The following ASXL2 variants were observed in gnomAD, a reference collection of about 807,000 sequenced individuals.
ASXL2 encodes ASXL transcriptional regulator 2.
A neutral mutation model predicts 122.0 loss-of-function variants in ASXL2; 23 were observed. The observed-to-expected ratio is 0.19, with a 90% CI of 0.14 to 0.27. ASXL2 has a LOEUF of 0.27. ASXL2 is among the 10% of genes least tolerant of loss of function. ASXL2 has a pLI of 1.00. For synonymous variants in ASXL2, 650 were observed against 637.0 expected (o/e 1.02, Z -0.31); for missense variants, 1,518 against 1,713.8 (o/e 0.89, Z 2.02).
At chr2:25,793,443 TAC>T (rs1434597198) in intron 5 of ASXL2, among the ~76,000 whole-genome samples, 1 of 152,142 alleles carries the variant, frequency 6.6e-6, no homozygotes, top group African/African-American at 2.4e-5. Context: ...GTCAAAAAGA[TAC>T]AGACTATTAA....
In ASXL2 at chr2:25,738,503, TATG is replaced by T. The variant is rs1292646875; in HGVS notation, c.*3523_*3525del. ...GATGGGGAGACTTTTCCCTCCTTGC[TATG>T]ATGTGAAACCTCTAGGTCAAAGAGA... On this transcript the variant is annotated 3_prime_UTR_variant, in exon 13 of 13. Coordinates refer to ENST00000435504, the MANE Select transcript of ASXL2 (RefSeq NM_018263.6). 1 of 152,198 alleles carries T rather than the reference TATG, an allele frequency of 6.6e-6. No homozygotes were observed. Among genetic ancestry groups the T allele is most frequent in the Non-Finnish European group, 1.5e-5 (1 of 68,044 alleles). The allele number at this position is 152,198 out of a possible 1,614,324, so 9.4% of individuals were successfully genotyped here. A position where few individuals can be genotyped will look rare whatever the true frequency, so the allele number is the denominator to read the frequency against.
At chr2:25,813,477 C>T (rs968027743) in intron 3 of ASXL2, among the ~76,000 whole-genome samples, 1 of 152,190 alleles carries the variant, frequency 6.6e-6, no homozygotes, top group Non-Finnish European at 1.5e-5. Flanking sequence ...TATACAGTCT[C>T]ATGTCAGTTC....
At chr2:25,850,582 C>T (rs978513686) in intron 1 of ASXL2, among the ~76,000 whole-genome samples, 1 of 152,176 alleles carries the variant, frequency 6.6e-6, no homozygotes, top group South Asian at 2.1e-4. Context: ...CATCAGAACA[C>T]ACAAAACATC....
intron 3 of ASXL2, among the ~76,000 whole-genome samples, chr2:25,807,641 G>T (rs2089102350): frequency 6.6e-6 from 1 of 151,920 alleles, no homozygotes; most frequent in South Asian, 2.1e-4. Context: ...TGCTTAAAAA[G>T]ATATTAACAT....
intron 7 of ASXL2, among the ~76,000 whole-genome samples, chr2:25,768,278 A>G (rs529818181): frequency 2.8e-4 from 42 of 152,220 alleles, no homozygotes; most frequent in Middle Eastern, 3.4e-3. Flanking sequence ...TCAGTCATTT[A>G]TTTCCTTCTT....
chr2:25,875,390 A>C (rs34820121), intron 1 of ASXL2, among the ~76,000 whole-genome samples: 49,133 of 151,956 alleles, frequency 0.32, 8,497 homozygotes, highest in African/African-American at 0.41. Context: ...ATCACTTGAG[A>C]CCAGAAGTTC....
At position 25,860,343 on chromosome 2, in the gene ASXL2, T is replaced by C. The variant is rs1365331578; in HGVS notation, c.58-14780A>G. ...AAAAAAAAATGGAAACAAAAAAATA[T>C]ATATATAACATCAAAGCTTGTGGGA... On this transcript the variant is annotated intron_variant, in intron 1 of 12. Coordinates refer to ENST00000435504, the MANE Select transcript of ASXL2 (RefSeq NM_018263.6). 2.0e-5 allele frequency among the ~76,000 whole-genome samples: 3 copies of C among 151,010 alleles called. No individual in the cohort carries two copies. In the East Asian group the frequency reaches 5.9e-4, roughly 30 times the overall value.
intron 5 of ASXL2, among the ~76,000 whole-genome samples, chr2:25,790,800 C>CT (rs35046164): frequency 0.35 from 37,989 of 108,822 alleles, 8,016 homozygotes; most frequent in Non-Finnish European, 0.45. Context: ...AGTTTTTTGT[C>CT]TTTTTTTTTT....
chr2:25,775,274 C>T (rs2088527333), intron 5 of ASXL2, among the ~76,000 whole-genome samples: 1 of 152,038 alleles, frequency 6.6e-6, no homozygotes, highest in Non-Finnish European at 1.5e-5. Context: ...ATTACAGGTG[C>T]CCACCACCAC....
intron 5 of ASXL2, among the ~76,000 whole-genome samples, chr2:25,773,676 A>AC (rs2088499031): frequency 6.6e-6 from 1 of 151,586 alleles, no homozygotes; most frequent in East Asian, 1.9e-4. Context: ...AAAAAAAAAA[A>AC]AACAAAAATC....
chr2:25,798,653 A>G (rs1342915878), intron 5 of ASXL2, among the ~76,000 whole-genome samples: 2 of 152,144 alleles, frequency 1.3e-5, no homozygotes, highest in Non-Finnish European at 2.9e-5. Context: ...AATCCCAGCT[A>G]CTTAGGAGGC....
intron 3 of ASXL2, among the ~76,000 whole-genome samples, chr2:25,808,099 A>G (rs996667508): frequency 3.3e-5 from 5 of 151,408 alleles, no homozygotes; most frequent in South Asian, 2.1e-4. Context: ...ATGGGGGGGA[A>G]AAAAAACAAC....
chr2:25,830,879 C>T (rs1046338021), intron 3 of ASXL2: 10 of 152,090 alleles, frequency 6.6e-5, no homozygotes, highest in Admixed American at 6.5e-4. Context: ...CAGGTCAATA[C>T]AATTTACTCA....
At chr2:25,847,409 A>G (rs2089661227) in intron 1 of ASXL2, among the ~76,000 whole-genome samples, 1 of 152,158 alleles carries the variant, frequency 6.6e-6, no homozygotes, top group East Asian at 1.9e-4. Flanking sequence ...ACATCCATTT[A>G]CCCCTTTTAC....
At chr2:25,842,792 GTATATA>G (rs753934368) in intron 2 of ASXL2, among the ~76,000 whole-genome samples, 75 of 95,404 alleles carry the variant, frequency 7.9e-4, no homozygotes, top group African/African-American at 3.3e-3. Context: ...GTGTGTGTGT[GTATATA>G]TATATATATA....
intron 9 of ASXL2, among the ~76,000 whole-genome samples, chr2:25,756,465 GAAAAAAAAAAGA>G (rs1387494914): frequency 1.6e-4 from 15 of 91,420 alleles, no homozygotes; most frequent in African/African-American, 5.8e-4. Flanking sequence ...AAAAAAAAAA[GAAAAAAAAAAGA>G]AAAAAAAAAA....
chr2:25,852,893 C>G (rs549000881), intron 1 of ASXL2, among the ~76,000 whole-genome samples: 1 of 152,030 alleles, frequency 6.6e-6, no homozygotes, highest in African/African-American at 2.4e-5. Flanking sequence ...CCACTTAATG[C>G]GGAGGGAAGA....
Position 25,737,318 on chromosome 2 carries a change from A to G in ASXL2, c.*4711T>C, listed in dbSNP as rs2087752669. ...AAATGTCAACCACTGTGGAGAAAGG[A>G]AAACCTATTTTTTCCCCCGAGATAT... is the stretch of plus-strand genomic sequence containing the variant. On this transcript the variant is annotated 3_prime_UTR_variant, in exon 13 of 13. Coordinates refer to ENST00000435504, the MANE Select transcript of ASXL2 (RefSeq NM_018263.6). 1 of 152,110 alleles carries G rather than the reference A, an allele frequency of 6.6e-6. No homozygotes were observed. The highest frequency in any genetic ancestry group is 2.4e-5 in the African/African-American group (1 of 41,420). 9.4% of individuals were successfully genotyped at this position (152,110 alleles called of 1,614,324 possible).
Position 25,816,112 on chromosome 2 carries a change from G to A in ASXL2, c.144-9775C>T, listed in dbSNP as rs374632308. Among the ~76,000 whole-genome samples, 7 of 152,032 alleles carry A rather than the reference G, an allele frequency of 4.6e-5. No individual in the cohort carries two copies. In the East Asian group the frequency reaches 7.7e-4, roughly 17 times the overall value. The stretch of plus-strand genomic sequence containing the variant: ...TTTTTCCTAAATCTTGGCTGGGTGC[G>A]GTGGCTCACACCTGTAATCCCAGCA... On this transcript the variant is annotated intron_variant, in intron 3 of 12. Coordinates refer to ENST00000435504, the MANE Select transcript of ASXL2 (RefSeq NM_018263.6).
Sources: gnomAD v4.1 joint callset for allele counts (sites outside exome capture counted in the v4.1 genomes callset) on GRCh38, gnomAD v4.1.1 for gene constraint, MANE v1.5 for transcripts, NCBI Gene and HGNC (gene_info 2026-07-23, HGNC 2026-07-21) for gene names.